Variants in NTRK3 observed in about 807,000 individuals in gnomAD.
NTRK3 encodes the protein NT-3 growth factor receptor.
Under a neutral mutation model 91.7 loss-of-function variants are expected in NTRK3, and 24 were observed. The ratio of observed to expected loss-of-function variants is 0.26; its 90% CI spans 0.19 to 0.37. NTRK3 has a LOEUF of 0.37. NTRK3 is among the 10% of genes least tolerant of loss of function. The pLI is 1.00. For synonymous variants in NTRK3, 483 were observed against 404.0 expected, an observed-to-expected ratio of 1.20 and a Z score of -2.34; for missense variants, 880 against 1,068.9, an observed-to-expected ratio of 0.82 and a Z score of 2.46.
At chr15:87,991,349 CA>C (rs1315746458) in intron 14 of NTRK3, among the ~76,000 whole-genome samples, 4 of 152,158 alleles carry the variant, frequency 2.6e-5, no homozygotes, top group African/African-American at 9.7e-5. Context: ...TTGGGATCTG[CA>C]TTTTAACAGA....
At chr15:87,954,929 A>T (rs1224518910) in intron 14 of NTRK3, among the ~76,000 whole-genome samples, 2 of 152,214 alleles carry the variant, frequency 1.3e-5, no homozygotes, top group Non-Finnish European at 2.9e-5. Context: ...CTTTGGCCAT[A>T]GATTTCCCAG....
chr15:88,108,006 C>G (rs143612005), intron 13 of NTRK3, among the ~76,000 whole-genome samples: 47 of 152,262 alleles, frequency 3.1e-4, no homozygotes, highest in Admixed American at 5.2e-4. Context: ...GACCCAGAAC[C>G]AACAGTCAGG....
At chr15:88,127,810 C>A (rs1411745092) in intron 11 of NTRK3, among the ~76,000 whole-genome samples, 1 of 152,176 alleles carries the variant, frequency 6.6e-6, no homozygotes, top group South Asian at 2.1e-4. Context: ...AAAAATAGAA[C>A]CATCTGACCG....
At chr15:88,102,672 G>A (rs2050297431) in intron 13 of NTRK3, among the ~76,000 whole-genome samples, 1 of 152,060 alleles carries the variant, frequency 6.6e-6, no homozygotes, top group African/African-American at 2.4e-5. Flanking sequence ...AAGACACAGG[G>A]AAGGAAGAAT....
intron 13 of NTRK3, among the ~76,000 whole-genome samples, chr15:88,061,358 C>G (rs577119560): frequency 6.7e-4 from 102 of 152,326 alleles, no homozygotes; most frequent in Middle Eastern, 3.4e-3. Flanking sequence ...GCCTCACTCC[C>G]GCCACTAAAT....
chr15:88,083,234 G>A (rs62022272), intron 13 of NTRK3, among the ~76,000 whole-genome samples: 1 of 151,898 alleles, frequency 6.6e-6, no homozygotes, highest in African/African-American at 2.4e-5. Context: ...TCTTTTTTGG[G>A]AGGGAGACAG....
intron 3 of NTRK3, among the ~76,000 whole-genome samples, chr15:88,236,785 A>C (rs2051820113): frequency 6.6e-6 from 1 of 151,306 alleles, no homozygotes. Flanking sequence ...AAAAAAAAAA[A>C]AAAACACTAC....
intron 3 of NTRK3, among the ~76,000 whole-genome samples, chr15:88,226,343 T>TGCCG (rs2050673304): frequency 6.6e-6 from 1 of 151,940 alleles, no homozygotes; most frequent in Admixed American, 6.5e-5. Context: ...TCCCTCAGGG[T>TGCCG]AGATCCCAGG....
intron 5 of NTRK3, among the ~76,000 whole-genome samples, chr15:88,179,444 T>C (rs1123553): frequency 0.24 from 37,100 of 152,124 alleles, 4,760 homozygotes; most frequent in South Asian, 0.32. Context: ...ACCATACCCC[T>C]GCCCCAAGGA....
At chr15:88,069,603 C>T (rs572046647) in intron 13 of NTRK3, among the ~76,000 whole-genome samples, 2 of 152,302 alleles carry the variant, frequency 1.3e-5, no homozygotes, top group East Asian at 3.9e-4. Context: ...AGAAGCAGAA[C>T]ACTATCACTC....
chr15:87,985,354 A>T (rs2074667412), intron 14 of NTRK3, among the ~76,000 whole-genome samples: 1 of 152,242 alleles, frequency 6.6e-6, no homozygotes, highest in Non-Finnish European at 1.5e-5. Flanking sequence ...AACAAGCAGG[A>T]CTTTTTAATA....
In NTRK3 at chr15:88,150,881, T is replaced by C. The variant is rs531985861; in HGVS notation, c.396-3478A>G. On this transcript the variant is annotated intron_variant, in intron 5 of 18. Transcript: ENST00000394480. ...ATAGCGCAGGGTAAATAAACAAGCT[T>C]CTGTATGAGTTGCCACCCACTCGGA... 4.6e-5 allele frequency among the ~76,000 whole-genome samples: 7 copies of C among 152,238 alleles called. No individual in the cohort carries two copies. In the South Asian group the frequency reaches 1.2e-3, roughly 27 times the overall value.
chr15:88,135,901 T>C, exon 9 of NTRK3: 1 of 1,614,128 alleles, frequency 6.2e-7, no homozygotes. Flanking sequence ...GCACTTACAG[T>C]AGACAGTGAG....
At chr15:88,186,433 T>A (rs961406193) in intron 3 of NTRK3, among the ~76,000 whole-genome samples, 16 of 152,180 alleles carry the variant, frequency 1.1e-4, no homozygotes, top group Non-Finnish European at 1.5e-5. Flanking sequence ...AACTCCTTGC[T>A]GCAAAGAGTC....
intron 14 of NTRK3, among the ~76,000 whole-genome samples, chr15:88,024,728 G>T (rs143664218): frequency 1.3e-5 from 2 of 152,304 alleles, no homozygotes; most frequent in Non-Finnish European, 2.9e-5. Context: ...TGTAGGGAAA[G>T]AGAAAGTGTC....
chr15:88,183,465 C>G (rs2046689140), exon 5 of NTRK3: 1 of 1,614,096 alleles, frequency 6.2e-7, no homozygotes, highest in East Asian at 2.2e-5. Flanking sequence ...GCTGAATGCT[C>G]CGAAGTCCTG....
intron 14 of NTRK3, among the ~76,000 whole-genome samples, chr15:87,944,572 C>T (rs1006409794): frequency 3.3e-5 from 5 of 152,156 alleles, no homozygotes; most frequent in African/African-American, 1.2e-4. Context: ...ACTCCGAAAC[C>T]CGTGTTCTTT....
chr15:88,019,929 T>G (rs1485049915), intron 14 of NTRK3, among the ~76,000 whole-genome samples: 1 of 152,142 alleles, frequency 6.6e-6, no homozygotes, highest in East Asian at 1.9e-4. Context: ...CATGAGAATA[T>G]GAACAAGACT....
intron 5 of NTRK3, among the ~76,000 whole-genome samples, chr15:88,177,332 A>C (rs2046091662): frequency 6.6e-6 from 1 of 152,228 alleles, no homozygotes; most frequent in South Asian, 2.1e-4. Context: ...GTAGCAGACA[A>C]AAGTGAAGGT....
Sources: allele counts gnomAD v4.1 joint callset (sites outside exome capture counted in the v4.1 genomes callset), GRCh38; gene constraint gnomAD v4.1.1; transcripts MANE v1.5; gene names NCBI Gene and HGNC (gene_info 2026-07-23, HGNC 2026-07-21).